KLHL23: variants seen among roughly 807,000 people sequenced by gnomAD.
KLHL23 encodes kelch-like protein 23.
Under a neutral mutation model 48.9 loss-of-function variants are expected in KLHL23, and 33 were observed. The ratio of observed to expected loss-of-function variants is 0.67; its 90% CI spans 0.51 to 0.90. The LOEUF is 0.90. KLHL23 is among the 40% of genes least tolerant of loss of function. The pLI, the probability that KLHL23 is intolerant of heterozygous loss-of-function variation, is 0.00. For missense variants in KLHL23, 608 were observed against 669.6 expected (o/e 0.91, Z 1.02); for synonymous variants, 234 against 231.6 (o/e 1.01, Z -0.09).
intron 3 of KLHL23, among the ~76,000 whole-genome samples, chr2:169,742,143 G>A (rs1688690752): frequency 6.6e-6 from 1 of 152,200 alleles, no homozygotes; most frequent in Non-Finnish European, 1.5e-5. Flanking sequence ...GGAAGCACAA[G>A]TTTTAGTCTG....
Position 169,740,766 on chromosome 2 carries a change from T to TAATATATA in KLHL23, c.1214-619_1214-618insAATATATA, listed in dbSNP as rs1553477017. Among the ~76,000 whole-genome samples, 40 of 125,516 alleles carry TAATATATA rather than the reference T, an allele frequency of 3.2e-4. 1 individual carries two copies. The highest frequency in any genetic ancestry group is 3.9e-3 in the Middle Eastern group (1 of 258). 82.3% of individuals were successfully genotyped at this position (125,516 alleles called of 152,430 possible). On this transcript the variant is annotated intron_variant, in intron 2 of 3. Transcript: ENST00000392647. Reference sequence around the variant, plus strand: ...CCCGGCCTCTATAAGCTTTTTTATATTATATATATATATATATATATATAT... The same window carrying TAATATATA: ...CCCGGCCTCTATAAGCTTTTTTATATAATATATATATATATATATATATATATATATAT...
At chr2:169,744,963 A>G (rs1273906355) in intron 3 of KLHL23, among the ~76,000 whole-genome samples, 1 of 150,706 alleles carries the variant, frequency 6.6e-6, no homozygotes, top group Admixed American at 6.6e-5. Context: ...TTTTAAAGAC[A>G]GTCTCGCTCT....
At chr2:169,734,691 G>T (rs1248453855) in intron 1 of KLHL23, among the ~76,000 whole-genome samples, 1 of 152,182 alleles carries the variant, frequency 6.6e-6, no homozygotes, top group Non-Finnish European at 1.5e-5. Context: ...GTGACCCTCG[G>T]ACACTTGCCT....
intron 2 of KLHL23, among the ~76,000 whole-genome samples, chr2:169,737,480 T>C (rs1274613780): frequency 1.3e-5 from 2 of 152,148 alleles, no homozygotes; most frequent in African/African-American, 2.4e-5. Context: ...TCCTGACCCC[T>C]CTTCTGCAAA....
chr2:169,749,986 C>CACAT lies in KLHL23; in HGVS notation c.*254_*255insACAT, dbSNP rs1553478050. The CACAT allele has an allele frequency of 1.2e-4, 12 of 97,702 alleles. No individual in the cohort carries two copies. Among genetic ancestry groups the CACAT allele is most frequent in the Admixed American group, 7.3e-4 (8 of 11,014 alleles). 6.1% of individuals were successfully genotyped at this position (97,702 alleles called of 1,614,324 possible). On this transcript the variant is annotated 3_prime_UTR_variant, in exon 4 of 4. Transcript: ENST00000392647. ...GTATACATATATATGTGTATATATA[C>CACAT]GTATGTATACATATATGTGTATATA...
chr2:169,745,205 G>A lies in KLHL23; in HGVS notation c.1366+3668G>A, dbSNP rs552041172. ...GCACTGGGCCACTGCACCTGGCCCA[G>A]CTCTGGTTTTAAGAAGAGAACTCTT... On this transcript the variant is annotated intron_variant, in intron 3 of 3. Coordinates refer to ENST00000392647, the MANE Select transcript of KLHL23 (RefSeq NM_144711.6). Among the ~76,000 whole-genome samples, 5 of 152,088 alleles carry A rather than the reference G, an allele frequency of 3.3e-5. No homozygotes were observed. In the South Asian group the frequency reaches 8.3e-4, roughly 25 times the overall value.
intron 3 of KLHL23, among the ~76,000 whole-genome samples, chr2:169,743,626 G>A (rs62173314): frequency 0.056 from 8,586 of 152,284 alleles, 319 homozygotes; most frequent in Non-Finnish European, 0.088. Flanking sequence ...TAAAAGAAAA[G>A]GGAAGACCTA....
At chr2:169,749,370 T>C in intron 3 of KLHL23, 52 bp from the exon 4 acceptor site, 1 of 1,475,190 alleles carries the variant, frequency 6.8e-7, no homozygotes, top group East Asian at 2.4e-5. Flanking sequence ...TGGAATCTCT[T>C]TTGTTTGTTA....
In KLHL23 at chr2:169,734,425, C is replaced by T. The variant is rs533273691; in HGVS notation, c.-3+338C>T. On this transcript the variant is annotated intron_variant, in intron 1 of 3. Transcript: ENST00000392647. The stretch of plus-strand genomic sequence containing the variant: ...GGGAACGTGGGCCGGGGCCCAGGCG[C>T]GGGGCGCGCGGAAACCCCTGCGGCG... Among the ~76,000 whole-genome samples, 7 of 150,564 alleles carry T rather than the reference C, an allele frequency of 4.6e-5. No individual in the cohort carries two copies. In the South Asian group the frequency reaches 8.3e-4, roughly 18 times the overall value.
chr2:169,749,926 TATATAC>T lies in KLHL23; in HGVS notation c.*196_*201del, dbSNP rs369868964. The T allele has an allele frequency of 0.014, 3,279 of 230,902 alleles. 234 individuals carry two copies. The highest frequency in any genetic ancestry group is 0.016 in the Non-Finnish European group (2,126 of 130,134). The allele number at this position is 230,902 out of a possible 1,614,324, so 14.3% of individuals were successfully genotyped here. A position where few individuals can be genotyped will look rare whatever the true frequency, so the allele number is the denominator to read the frequency against. Reference sequence around the variant, plus strand: ...TCAAGAAAAATCTTATATATATATATATATACACACACACATATATGTGTTCATATA... The same window carrying T: ...TCAAGAAAAATCTTATATATATATATACACACACATATATGTGTTCATATA... On this transcript the variant is annotated 3_prime_UTR_variant, in exon 4 of 4. Coordinates refer to ENST00000392647, the MANE Select transcript of KLHL23 (RefSeq NM_144711.6).
chr2:169,750,137 C>CGT lies in KLHL23; in HGVS notation c.*406_*407dup, dbSNP rs1688938066. On this transcript the variant is annotated 3_prime_UTR_variant, in exon 4 of 4. Coordinates refer to ENST00000392647, the MANE Select transcript of KLHL23 (RefSeq NM_144711.6). ...GTGTGTATATATATACACATATATA[C>CGT]GTATATATGTGTATATATATACACA... is the stretch of plus-strand genomic sequence containing the variant. 9.0e-6 allele frequency: 1 copy of CGT among 110,706 alleles called. No individual in the cohort carries two copies. Among genetic ancestry groups the CGT allele is most frequent in the Non-Finnish European group, 1.8e-5 (1 of 54,128 alleles). The allele number at this position is 110,706 out of a possible 1,614,324, so 6.9% of individuals were successfully genotyped here.
chr2:169,740,695 A>G (rs1459035482), intron 2 of KLHL23, among the ~76,000 whole-genome samples: 1 of 148,166 alleles, frequency 6.7e-6, no homozygotes, highest in East Asian at 2.0e-4. Context: ...TGATCCACCC[A>G]CCTTGACCTC....
At chr2:169,742,266 G>T (rs1428886592) in intron 3 of KLHL23, among the ~76,000 whole-genome samples, 1 of 152,234 alleles carries the variant, frequency 6.6e-6, no homozygotes, top group Non-Finnish European at 1.5e-5. Context: ...ATGTGGGTCA[G>T]TGGAGGGGGT....
chr2:169,744,507 G>A (rs946841872), intron 3 of KLHL23, among the ~76,000 whole-genome samples: 1 of 152,100 alleles, frequency 6.6e-6, no homozygotes. Flanking sequence ...GAGATCGGAT[G>A]GGAGAGTTCA....
In KLHL23 at chr2:169,750,129, C is replaced by CTGTGT. The variant is rs1558952810; in HGVS notation, c.*397_*398insTGTGT. ...ATATATATGTGTGTATATATATACA[C>CTGTGT]ATATATACGTATATATGTGTATATA... On this transcript the variant is annotated 3_prime_UTR_variant, in exon 4 of 4. Transcript: ENST00000392647. The CTGTGT allele has an allele frequency of 1.6e-4, 8 of 50,536 alleles. No homozygotes were observed. In the East Asian group the frequency reaches 4.6e-3, roughly 29 times the overall value. The allele number at this position is 50,536 out of a possible 1,614,324, so 3.1% of individuals were successfully genotyped here. A position where few individuals can be genotyped will look rare whatever the true frequency, so the allele number is the denominator to read the frequency against.
chr2:169,750,014 C>CGTATGTATACATATATGTGTATATATA lies in KLHL23; in HGVS notation c.*290_*291insACATATATGTGTATATATAGTATGTAT, dbSNP rs1688918360. ...ATGTATACATATATGTGTATATATA[C>CGTATGTATACATATATGTGTATATATA]GTATGTATGTATACATATGTGTATA... On this transcript the variant is annotated 3_prime_UTR_variant, in exon 4 of 4. Transcript: ENST00000392647. 7.4e-6 allele frequency: 1 copy of CGTATGTATACATATATGTGTATATATA among 134,254 alleles called. No homozygotes were observed. Among genetic ancestry groups the CGTATGTATACATATATGTGTATATATA allele is most frequent in the African/African-American group, 3.5e-5 (1 of 28,256 alleles). 8.3% of individuals were successfully genotyped at this position (134,254 alleles called of 1,614,324 possible). A position where few individuals can be genotyped will look rare whatever the true frequency, so the allele number is the denominator to read the frequency against.
Position 169,736,073 on chromosome 2 carries a change from G to T in KLHL23, c.1059G>T (p.Leu353Phe). ...AAAGTGATGAATGGACAGAAGGTTT[G>T]CCAATGCTCAATGCCAGGTATTACC... ...NSESDEWTEGLPMLNARYYHC... is the reference protein window; with the variant it reads ...NSESDEWTEGFPMLNARYYHC... Residue 353 changes from leucine to phenylalanine, a missense_variant, in exon 2 of 4, where the codon TTG becomes TTT. Physicochemically the swap from Leu to Phe is conservative, Grantham distance 22 (BLOSUM62 0). Around this residue, in one of 3 missense-constraint regions of KLHL23, gnomAD observed 419 missense variants for 473.1 expected, o/e 0.89. Transcript: ENST00000392647. 1.9e-6 allele frequency: 3 copies of T among 1,614,194 alleles called. No homozygotes were observed. In the South Asian group the frequency reaches 3.3e-5, roughly 18 times the overall value.
chr2:169,734,349 G>T (rs1172962738), intron 1 of KLHL23, among the ~76,000 whole-genome samples: 2 of 148,244 alleles, frequency 1.3e-5, no homozygotes, highest in African/African-American at 2.4e-5. Context: ...GGCACGCGGC[G>T]CCCTCGAGTC....
chr2:169,749,918 T>TATAG lies in KLHL23; in HGVS notation c.*189_*190insGATA. On this transcript the variant is annotated 3_prime_UTR_variant, in exon 4 of 4. Transcript: ENST00000392647. ...ATTCATGGTCAAGAAAAATCTTATA[T>TATAG]ATATATATATATACACACACACATA... 2 of 188,850 alleles carry TATAG rather than the reference T, an allele frequency of 1.1e-5. No homozygotes were observed. The highest frequency in any genetic ancestry group is 1.4e-4 in the East Asian group (2 of 14,786). 11.7% of individuals were successfully genotyped at this position (188,850 alleles called of 1,614,324 possible).
Sources: allele counts gnomAD v4.1 joint callset (sites outside exome capture counted in the v4.1 genomes callset), GRCh38; gene constraint gnomAD v4.1.1; regional missense constraint gnomAD v4.1.1; transcripts MANE v1.5; gene names NCBI Gene and HGNC (gene_info 2026-07-23, HGNC 2026-07-21).